MMRN2: variants seen among roughly 807,000 people sequenced by gnomAD.
The protein encoded by MMRN2 is multimerin 2.
In MMRN2, 53 loss-of-function variants were observed where a neutral mutation model predicts 68.8. The ratio of observed to expected loss-of-function variants is 0.77; its 90% CI spans 0.62 to 0.97. MMRN2 has a LOEUF of 0.97. MMRN2 is among the 50% of genes least tolerant of loss of function. The pLI, the probability that MMRN2 is intolerant of heterozygous loss-of-function variation, is 0.00. For synonymous variants in MMRN2, 564 were observed against 551.6 expected (o/e 1.02, Z -0.32); for missense variants, 1,266 against 1,259.5 (o/e 1.01, Z -0.08).
rs559779475 is a variant in MMRN2 at position 86,957,431 on chromosome 10, T to C, written c.111A>G (p.Thr37=). 6.2e-7 allele frequency: 1 copy of C among 1,613,778 alleles called. No individual in the cohort carries two copies. The highest frequency in any genetic ancestry group is 1.1e-5 in the South Asian group (1 of 91,084). The change falls in exon 1 of 7, where the codon ACA becomes ACG. Residue 37 remains threonine (T), a synonymous_variant. Coordinates refer to ENST00000372027, the MANE Select transcript of MMRN2 (RefSeq NM_024756.3). ...CAGCCTCTGCCTTCCAGACCCCAGG[T>C]GTCCTGGAGCTCTGCAGATCAGAGA... The part of the protein sequence containing the change: ...TSLSDLQSSR[T]PGVWKAEAED...
chr10:86,937,228 AG>A, intron 6 of MMRN2, 103 bp from the exon 7 acceptor site: 18 of 1,269,256 alleles, frequency 1.4e-5, no homozygotes, highest in Non-Finnish European at 1.8e-5. Flanking sequence ...CAATGGAAAT[AG>A]GTCACTATTT....
rs751359377 is a variant in MMRN2 at position 86,936,387 on chromosome 10, T to C, written c.*356A>G. 27 of 451,304 alleles carry C rather than the reference T, an allele frequency of 6.0e-5. No individual in the cohort carries two copies. The highest frequency in any genetic ancestry group is 8.9e-5 in the Non-Finnish European group (23 of 257,692). The allele number at this position is 451,304 out of a possible 1,614,324, so 28.0% of individuals were successfully genotyped here. A position where few individuals can be genotyped will look rare whatever the true frequency, so the allele number is the denominator to read the frequency against. On this transcript the variant is annotated 3_prime_UTR_variant, in exon 7 of 7. Transcript: ENST00000372027. ...GAGGAAGCAAGAGAAAAGTTTAAAGTGTTGTACAGAAGTTTCCAACCACAG... is the reference window on the plus strand; with the variant it reads ...GAGGAAGCAAGAGAAAAGTTTAAAGCGTTGTACAGAAGTTTCCAACCACAG...
intron 4 of MMRN2, 64 bp downstream of exon 4, chr10:86,945,124 A>G: frequency 6.3e-6 from 9 of 1,426,222 alleles, no homozygotes; most frequent in Admixed American, 1.7e-5. Flanking sequence ...CACAGGAAAA[A>G]GGGCCAGCTG....
In MMRN2 at chr10:86,943,285, T is replaced by G. The variant is rs1564731972; in HGVS notation, c.1499A>C (p.Asp500Ala). The change falls in exon 6 of 7, where the codon GAC becomes GCC. Residue 500 changes from aspartate to alanine, a missense_variant. Transcript: ENST00000372027. This position sits in a 1 kb window ranked among gnomAD's most constrained non-coding sequence, Gnocchi z 4.2. ...CTGGCCCTCCCGGATGACGTCCAGG[T>G]CTAAATAGAGCTTCTGGCAATTGCA... ...KDCNCQKLYL[D>A]LDVIREGQRD... 1.9e-6 allele frequency: 3 copies of G among 1,613,348 alleles called. No individual in the cohort carries two copies. The highest frequency in any genetic ancestry group is 2.5e-6 in the Non-Finnish European group (3 of 1,179,988).
rs1385918587 is a variant in MMRN2, at chr10:86,936,781, C to T, written c.2812G>A (p.Gly938Ser). 3.7e-6 allele frequency: 6 copies of T among 1,614,072 alleles called. No homozygotes were observed. The highest frequency in any genetic ancestry group is 5.1e-6 in the Non-Finnish European group (6 of 1,180,038). The change falls in exon 7 of 7, where the codon GGC (glycine) becomes AGC (serine). Residue 938 changes from glycine to serine, a missense_variant. Physicochemically the swap from Gly to Ser is moderately conservative, Grantham distance 56 (BLOSUM62 0). Transcript: ENST00000372027. The stretch of plus-strand genomic sequence containing the variant: ...ATCAGGAAGCCCCCAAATGCAGTGC[C>T]CGACAGGCTTCTCTTTGTTATTGAT... ...QGSITKRSLS[G>S]TAFGGFLMFK...
Position 86,953,655 on chromosome 10 carries a change from T to C in MMRN2, c.164+3723A>G, listed in dbSNP as rs566616386. On this transcript the variant is annotated intron_variant, in intron 1 of 6. Transcript: ENST00000372027. ...GGCCCAAAGATGCTGCCAAATACCC[T>C]ACAATGCATAGGACATCTCCACACC... Among the ~76,000 whole-genome samples, 11 of 152,310 alleles carry C rather than the reference T, an allele frequency of 7.2e-5. 1 individual carries two copies. The South Asian group carries it at 2.1e-3, about 29-fold the overall frequency.
rs767025550 is a variant in MMRN2 at position 86,943,772 on chromosome 10, T to G, written c.1012A>C (p.Lys338Gln). The change falls in exon 6 of 7, where the codon AAG becomes CAG. Residue 338 changes from lysine (K) to glutamine (Q), a missense_variant. By Grantham distance (53) the Lys-to-Gln change is moderately conservative. Coordinates refer to ENST00000372027, the MANE Select transcript of MMRN2 (RefSeq NM_024756.3). This position sits in a 1 kb window ranked among gnomAD's most constrained non-coding sequence, Gnocchi z 4.2. ...GCCTCCTGAGCCTTGTGCAGCCTCT[T>G]CAATTTGGTGTCCACATCGGCTTGG... ...ELQADVDTKLKRLHKAQEAPG... is the reference protein window; with the variant it reads ...ELQADVDTKLQRLHKAQEAPG... 8.1e-6 allele frequency: 13 copies of G among 1,608,742 alleles called. No homozygotes were observed. The South Asian group carries it at 1.4e-4, about 18-fold the overall frequency.
Position 86,945,240 on chromosome 10 carries a change from A to T in MMRN2, c.429T>A (p.Asp143Glu), listed in dbSNP as rs768151767. The T allele has an allele frequency of 6.8e-6, 11 of 1,613,766 alleles. No homozygotes were observed. In the South Asian group the frequency reaches 1.2e-4, roughly 18 times the overall value. Residue 143 changes from aspartate to glutamate, a missense_variant, in exon 4 of 7, where the codon GAT becomes GAA. Transcript: ENST00000372027. ...HDSMAIPEPA[D>E]PGDSHQEPQD... is the part of the protein sequence containing the mutation. ...GAGGTTCCTGGTGGCTGTCACCAGG[A>T]TCTGCAGGCTCAGGGATTGCCATGG...
In MMRN2 at chr10:86,936,711, T is replaced by G; in HGVS notation, c.*32A>C. On this transcript the variant is annotated 3_prime_UTR_variant, in exon 7 of 7. Coordinates refer to ENST00000372027, the MANE Select transcript of MMRN2 (RefSeq NM_024756.3). ...CCCAGGCCGAGGAGAGCTGGGCGAG[T>G]CCATGATGTCTGATCAGATTGGGGC... 1 of 1,604,748 alleles carries G rather than the reference T, an allele frequency of 6.2e-7. No individual in the cohort carries two copies. The highest frequency in any genetic ancestry group is 8.5e-7 in the Non-Finnish European group (1 of 1,173,322).
rs929382077 is a variant in MMRN2 at position 86,937,230 on chromosome 10, G to A, written c.2468-105C>T. 2.8e-5 allele frequency: 35 copies of A among 1,230,326 alleles called. No individual in the cohort carries two copies. The South Asian group carries it at 3.1e-4, about 11-fold the overall frequency. The allele number at this position is 1,230,326 out of a possible 1,614,324, so 76.2% of individuals were successfully genotyped here. On this transcript the variant is annotated intron_variant, in intron 6 of 6. Coordinates refer to ENST00000372027, the MANE Select transcript of MMRN2 (RefSeq NM_024756.3). ...CTCACCTTATTAGCAATGGAAATAGGTCACTATTTCTAGATAACCTAGATA... is the reference window on the plus strand; with the variant it reads ...CTCACCTTATTAGCAATGGAAATAGATCACTATTTCTAGATAACCTAGATA...
intron 1 of MMRN2, chr10:86,949,711 A>T (rs571623377): frequency 6.6e-6 from 1 of 151,764 alleles, no homozygotes; most frequent in South Asian, 2.1e-4. Flanking sequence ...CCTTGTCTCC[A>T]CTAAAAATAC....
rs1439708604 is a variant in MMRN2 at position 86,942,841 on chromosome 10, A to C, written c.1943T>G (p.Leu648Arg). Residue 648 changes from leucine to arginine, a missense_variant, in exon 6 of 7, where the codon CTG becomes CGG. Leu to Arg is a moderately radical substitution (Grantham distance 102, BLOSUM62 -2). Coordinates refer to ENST00000372027, the MANE Select transcript of MMRN2 (RefSeq NM_024756.3). ...GTCCCAGCCGAGCGCCTGCTCCTGC[A>C]GCCCGCTAGCGGCGTCCTGCAGGGC... Reference protein sequence around the residue: ...RVALQDAASGLQEQALGWDEL... With the variant: ...RVALQDAASGRQEQALGWDEL... The C allele has an allele frequency of 7.2e-7, 1 of 1,380,106 alleles. No individual in the cohort carries two copies. 85.5% of individuals were successfully genotyped at this position (1,380,106 alleles called of 1,614,324 possible).
chr10:86,936,785 C>A lies in MMRN2; in HGVS notation c.2808G>T (p.Leu936=), dbSNP rs1843885480. Residue 936 remains leucine (L), a synonymous_variant, in exon 7 of 7, where the codon CTG becomes CTT. Coordinates refer to ENST00000372027, the MANE Select transcript of MMRN2 (RefSeq NM_024756.3). ...LTQGSITKRS[L]SGTAFGGFLM... Reference sequence around the variant, plus strand: ...GGAAGCCCCCAAATGCAGTGCCCGACAGGCTTCTCTTTGTTATTGATCCCT... The same window carrying A: ...GGAAGCCCCCAAATGCAGTGCCCGAAAGGCTTCTCTTTGTTATTGATCCCT... 1.9e-6 allele frequency: 3 copies of A among 1,614,100 alleles called. No homozygotes were observed. The South Asian group carries it at 3.3e-5, about 18-fold the overall frequency.
chr10:86,940,857 A>G (rs1843955823), intron 6 of MMRN2, among the ~76,000 whole-genome samples: 1 of 152,234 alleles, frequency 6.6e-6, no homozygotes, highest in Admixed American at 6.5e-5. Flanking sequence ...CACTTGAGAC[A>G]CAGAGCCTAG....
Position 86,943,821 on chromosome 10 carries a change from G to T in MMRN2, c.963C>A (p.Thr321=). The T allele has an allele frequency of 6.2e-7, 1 of 1,611,798 alleles. No individual in the cohort carries two copies. The part of the protein sequence containing the change: ...VEDRLHAQHF[T]LHRSISELQA... ...GGAGCTCTGAGATCGAGCGGTGCAG[G>T]GTAAAGTGCTGGGCGTGCAGGCGGT... Residue 321 remains threonine, a synonymous_variant, in exon 6 of 7, where the codon ACC becomes ACA. Coordinates refer to ENST00000372027, the MANE Select transcript of MMRN2 (RefSeq NM_024756.3). The surrounding 1 kb of genome is among the most constrained non-coding windows in gnomAD (Gnocchi z 4.2).
At chr10:86,947,442 G>T (rs1384590708) in intron 1 of MMRN2, among the ~76,000 whole-genome samples, 1 of 151,784 alleles carries the variant, frequency 6.6e-6, no homozygotes, top group East Asian at 1.9e-4. Flanking sequence ...ATCTCGGCTT[G>T]CTGCAACCTC....
chr10:86,945,059 G>T, intron 4 of MMRN2, 129 bp downstream of exon 4: 1 of 789,870 alleles, frequency 1.3e-6, no homozygotes, highest in Non-Finnish European at 2.0e-6. Context: ...ACAGGCCACA[G>T]AGCAGGCCTT....
chr10:86,951,275 A>G (rs1489329862), intron 1 of MMRN2, among the ~76,000 whole-genome samples: 2 of 152,192 alleles, frequency 1.3e-5, no homozygotes, highest in African/African-American at 4.8e-5. Context: ...TAATCAGGAG[A>G]TCAGCAAACT....
intron 6 of MMRN2, among the ~76,000 whole-genome samples, chr10:86,937,452 C>CT (rs34239768): frequency 0.43 from 62,637 of 146,496 alleles, 13,789 homozygotes; most frequent in East Asian, 0.7. Flanking sequence ...CACTGCAGCC[C>CT]TTTTTTTTTT....
Sources: allele counts gnomAD v4.1 joint callset (sites outside exome capture counted in the v4.1 genomes callset), GRCh38; gene constraint gnomAD v4.1.1; non-coding constraint Gnocchi (gnomAD v3.1); transcripts MANE v1.5; gene names NCBI Gene and HGNC (gene_info 2026-07-23, HGNC 2026-07-21).